The following PRKCE variants were observed in gnomAD, a reference collection of about 807,000 sequenced individuals.
PRKCE encodes protein kinase C epsilon type.
PRKCE carries 16 observed loss-of-function variants against 85.4 expected under a neutral mutation model. The ratio of observed to expected loss-of-function variants is 0.19; its 90% CI spans 0.13 to 0.28. PRKCE has a LOEUF of 0.28. Ranked by LOEUF, PRKCE falls within the 10% of genes least tolerant of loss-of-function variation. The pLI, the probability that PRKCE is intolerant of heterozygous loss-of-function variation, is 1.00. For missense variants in PRKCE, 573 were observed against 975.2 expected, an observed-to-expected ratio of 0.59 and a Z score of 5.49; for synonymous variants, 388 against 371.5, an observed-to-expected ratio of 1.04 and a Z score of -0.51.
chr2:46,087,484 G>T (rs760397054), intron 11 of PRKCE, among the ~76,000 whole-genome samples: 14 of 152,108 alleles, frequency 9.2e-5, no homozygotes, highest in Non-Finnish European at 2.1e-4. Flanking sequence ...AAGGCATTCT[G>T]GTCAACCCCA....
At chr2:46,077,616 G>A (rs1668673913) in intron 10 of PRKCE, among the ~76,000 whole-genome samples, 1 of 152,098 alleles carries the variant, frequency 6.6e-6, no homozygotes, top group East Asian at 1.9e-4. Context: ...GGGGGTGAAG[G>A]CCTAGTAGAA....
At chr2:45,687,923 A>T (rs999983943) in intron 1 of PRKCE, among the ~76,000 whole-genome samples, 2 of 152,140 alleles carry the variant, frequency 1.3e-5, no homozygotes, top group Non-Finnish European at 2.9e-5. Context: ...GACCAGTGTG[A>T]TGGGAGTGGC....
chr2:46,133,840 C>T (rs1189634253), intron 11 of PRKCE, among the ~76,000 whole-genome samples: 1 of 152,136 alleles, frequency 6.6e-6, no homozygotes, highest in African/African-American at 2.4e-5. Flanking sequence ...GACAAGTTGT[C>T]ATTGTTGTAG....
chr2:46,106,910 C>A (rs1406037865), intron 11 of PRKCE, among the ~76,000 whole-genome samples: 3 of 152,170 alleles, frequency 2.0e-5, no homozygotes, highest in African/African-American at 4.8e-5. Context: ...TCTTCCCCAC[C>A]CTTCGATGAA....
At chr2:45,947,471 T>C (rs927997002) in intron 2 of PRKCE, among the ~76,000 whole-genome samples, 5 of 152,226 alleles carry the variant, frequency 3.3e-5, no homozygotes, top group African/African-American at 9.6e-5. Context: ...GTGAATTGTA[T>C]AGTATGTGAA....
intron 11 of PRKCE, among the ~76,000 whole-genome samples, chr2:46,137,341 T>A (rs1236987699): frequency 1.3e-5 from 2 of 152,208 alleles, no homozygotes; most frequent in African/African-American, 4.8e-5. Flanking sequence ...CAACTTCTTA[T>A]ACATAAATTA....
intron 1 of PRKCE, among the ~76,000 whole-genome samples, chr2:45,781,997 G>T (rs1203830269): frequency 6.6e-6 from 1 of 152,088 alleles, no homozygotes; most frequent in African/African-American, 2.4e-5. Flanking sequence ...ATGGAGGTGA[G>T]GTTTGAGCCT....
chr2:46,162,824 C>T (rs896064771), intron 14 of PRKCE, among the ~76,000 whole-genome samples: 4 of 152,156 alleles, frequency 2.6e-5, no homozygotes, highest in Admixed American at 1.3e-4. Context: ...AAAAAATAAA[C>T]GAGAGTGGTC....
At chr2:45,790,690 TCTC>T (rs1449892310) in intron 1 of PRKCE, among the ~76,000 whole-genome samples, 2 of 152,338 alleles carry the variant, frequency 1.3e-5, no homozygotes, top group African/African-American at 2.4e-5. Flanking sequence ...ACGTTTTTCT[TCTC>T]CTTTTTCATC....
intron 12 of PRKCE, among the ~76,000 whole-genome samples, chr2:46,149,189 C>G (rs189806057): frequency 5.9e-5 from 9 of 152,280 alleles, no homozygotes; most frequent in Admixed American, 2.6e-4. Context: ...TTGAATTCAG[C>G]CTCCTCTTCC....
At chr2:46,086,092 T>C in intron 10 of PRKCE, 116 bp from the exon 11 acceptor site, 1 of 1,110,250 alleles carries the variant, frequency 9.0e-7, no homozygotes, top group Non-Finnish European at 1.3e-6. Context: ...TTCACCCACC[T>C]TTGAGGCTTC....
chr2:46,006,033 C>T (rs535067186), intron 8 of PRKCE, among the ~76,000 whole-genome samples: 1 of 152,290 alleles, frequency 6.6e-6, no homozygotes, highest in African/African-American at 2.4e-5. Flanking sequence ...CTCTCTGGCT[C>T]TGAGCTCTGC....
In PRKCE at chr2:46,159,789, C is replaced by G. The variant is rs182845769; in HGVS notation, c.2067+37C>G. ...CCCGTGCACGTTCAGCACCATGGGT[C>G]GGGCCCAGGTACTTGCAGGACAGGC... On this transcript the variant is annotated intron_variant, in intron 14 of 14. Coordinates refer to ENST00000306156, the MANE Select transcript of PRKCE (RefSeq NM_005400.3). This position sits in a 1 kb window ranked among gnomAD's most constrained non-coding sequence, Gnocchi z 4.1. 2.6e-5 allele frequency: 42 copies of G among 1,595,620 alleles called. No homozygotes were observed. The highest frequency in any genetic ancestry group is 3.6e-5 in the Non-Finnish European group (42 of 1,178,608).
chr2:45,939,366 G>A lies in PRKCE; in HGVS notation c.413-37063G>A, dbSNP rs111766026. ...TCATTCCCTGATGTCTTACTGTCAGGCAGTTGGGCCTTGGAGCTGCCCTTC... is the reference window on the plus strand; with the variant it reads ...TCATTCCCTGATGTCTTACTGTCAGACAGTTGGGCCTTGGAGCTGCCCTTC... On this transcript the variant is annotated intron_variant, in intron 2 of 14. Transcript: ENST00000306156. Among the ~76,000 whole-genome samples, 1,511 of 152,228 alleles carry A rather than the reference G, an allele frequency of 9.9e-3. 31 individuals carry two copies. Among genetic ancestry groups the A allele is most frequent in the African/African-American group, 0.034 (1,398 of 41,528 alleles).
At chr2:46,081,038 C>G (rs1399525940) in intron 10 of PRKCE, among the ~76,000 whole-genome samples, 2 of 152,120 alleles carry the variant, frequency 1.3e-5, no homozygotes, top group African/African-American at 4.8e-5. Flanking sequence ...GTTGCCCAGG[C>G]TGGAGCACAG....
intron 10 of PRKCE, among the ~76,000 whole-genome samples, chr2:46,030,883 A>G (rs1179436748): frequency 6.6e-6 from 1 of 152,176 alleles, no homozygotes; most frequent in Non-Finnish European, 1.5e-5. Context: ...TTCTCCGTGA[A>G]GACAGTTTTC....
At chr2:46,043,227 G>A (rs944401173) in intron 10 of PRKCE, among the ~76,000 whole-genome samples, 5 of 151,738 alleles carry the variant, frequency 3.3e-5, no homozygotes, top group African/African-American at 4.8e-5. Context: ...ATCACAATTA[G>A]GTCCTTAATC....
At chr2:45,908,451 C>T (rs901538011) in intron 2 of PRKCE, among the ~76,000 whole-genome samples, 5 of 152,288 alleles carry the variant, frequency 3.3e-5, no homozygotes, top group African/African-American at 1.2e-4. Context: ...CTCTCTCTCG[C>T]CCATTGGACA....
chr2:46,086,807 A>G (rs1192408946), intron 11 of PRKCE, among the ~76,000 whole-genome samples: 2 of 152,160 alleles, frequency 1.3e-5, no homozygotes, highest in African/African-American at 2.4e-5. Flanking sequence ...GGGAAGGAGG[A>G]GTTGCTTGAG....
Sources: allele counts gnomAD v4.1 joint callset (sites outside exome capture counted in the v4.1 genomes callset), GRCh38; gene constraint gnomAD v4.1.1; non-coding constraint Gnocchi (gnomAD v3.1); transcripts MANE v1.5; gene names NCBI Gene and HGNC (gene_info 2026-07-23, HGNC 2026-07-21).